The following ERG variants were observed in gnomAD, a reference collection of about 807,000 sequenced individuals.
ERG encodes ETS transcription factor ERG.
In ERG, 9 loss-of-function variants were observed where a neutral mutation model predicts 55.3. That is an observed-to-expected ratio of 0.16 (90% CI 0.10 to 0.28). The LOEUF (loss-of-function observed/expected upper bound fraction) is 0.28, where lower values mean the gene tolerates loss of function less well. Among genes scored for constraint, ERG ranks in the 10% least tolerant of loss-of-function variants. The probability of loss-of-function intolerance (pLI) is 1.00; values close to 1 mark genes in which losing one functional copy is unlikely to be tolerated. For synonymous variants in ERG, 223 were observed against 237.3 expected (o/e 0.94, Z 0.55); for missense variants, 434 against 631.6 (o/e 0.69, Z 3.35).
intron 1 of ERG, among the ~76,000 whole-genome samples, chr21:38,592,098 G>A (rs952235888): frequency 5.9e-5 from 9 of 152,204 alleles, no homozygotes; most frequent in Non-Finnish European, 5.9e-5. Context: ...GTCTCAGAAG[G>A]GGTGTGCTGC....
chr21:38,427,064 A>G (rs566298695), intron 2 of ERG, among the ~76,000 whole-genome samples: 7 of 152,164 alleles, frequency 4.6e-5, no homozygotes, highest in Non-Finnish European at 8.8e-5. Context: ...GGCATAGATC[A>G]CAAGAGTTTC....
intron 1 of ERG, among the ~76,000 whole-genome samples, chr21:38,625,496 T>C (rs575740618): frequency 7.9e-5 from 12 of 152,332 alleles, no homozygotes; most frequent in Admixed American, 2.6e-4. Flanking sequence ...ATTCATGGCC[T>C]TGTTCTCCAG....
intron 2 of ERG, among the ~76,000 whole-genome samples, chr21:38,504,275 G>T (rs2059443868): frequency 6.6e-6 from 1 of 152,202 alleles, no homozygotes; most frequent in Non-Finnish European, 1.5e-5. Context: ...AGTTCTATAA[G>T]CTCCCATGGA....
intron 2 of ERG, among the ~76,000 whole-genome samples, chr21:38,519,578 G>C (rs113965513): frequency 6.6e-5 from 10 of 152,146 alleles, no homozygotes; most frequent in Non-Finnish European, 5.9e-5. Context: ...AGAAGATAGA[G>C]GACAAAGGAG....
chr21:38,563,900 T>C (rs540877357), intron 2 of ERG, among the ~76,000 whole-genome samples: 1 of 152,296 alleles, frequency 6.6e-6, no homozygotes, highest in South Asian at 2.1e-4. Context: ...CAGAAAGGCA[T>C]GGAGCCAGAA....
rs2146503528 is a variant in ERG at position 38,423,517 on chromosome 21, A to C, written c.281T>G (p.Val94Gly). The change falls in exon 3 of 10, where the codon GTG (valine) becomes GGG (glycine). Residue 94 changes from valine (V) to glycine (G), a missense_variant. Physicochemically the swap from Val to Gly is moderately radical, Grantham distance 109. Around this residue, in one of 5 missense-constraint regions of ERG, gnomAD observed 212 missense variants for 262.9 expected, o/e 0.81. Transcript: ENST00000288319. ...ECSVAKGGKM[V>G]GSPDTVGMNY... ...CATCCCAACGGTGTCTGGGCTGCCC[A>C]CCATCTTCCCGCCTTTGGCCACACT... 3.1e-6 allele frequency: 5 copies of C among 1,614,046 alleles called. No individual in the cohort carries two copies. The highest frequency in any genetic ancestry group is 4.2e-6 in the Non-Finnish European group (5 of 1,179,968).
chr21:38,418,270 A>AGTGTGTGTGT (rs71184622), intron 3 of ERG, among the ~76,000 whole-genome samples: 13,196 of 130,222 alleles, frequency 0.1, 768 homozygotes, highest in South Asian at 0.16. Context: ...AACATTTGGA[A>AGTGTGTGTGT]GTGTGTGTGT....
At chr21:38,407,679 T>C in intron 3 of ERG, among the ~76,000 whole-genome samples, 1 of 142,756 alleles carries the variant, frequency 7.0e-6, no homozygotes. Context: ...ATATATCACC[T>C]ATATATAATA....
intron 2 of ERG, among the ~76,000 whole-genome samples, chr21:38,571,389 T>C (rs1429125548): frequency 6.6e-6 from 1 of 152,024 alleles, no homozygotes; most frequent in Non-Finnish European, 1.5e-5. Flanking sequence ...TGCACACCTG[T>C]AGTCCCAGCT....
intron 2 of ERG, among the ~76,000 whole-genome samples, chr21:38,533,101 T>C (rs918945234): frequency 6.6e-6 from 1 of 152,218 alleles, no homozygotes; most frequent in Non-Finnish European, 1.5e-5. Flanking sequence ...TACGGTACTT[T>C]ATTTGCACAA....
upstream of ERG, chr21:38,498,490 A>G: frequency 6.7e-7 from 1 of 1,488,900 alleles, no homozygotes; most frequent in South Asian, 1.4e-5. The surrounding 1 kb of genome is among the most constrained non-coding windows in gnomAD (Gnocchi z 4.6). Context: ...GATTGTGCTA[A>G]GTCTGGGAAA....
chr21:38,597,472 TACACAC>T (rs3065420), intron 1 of ERG, among the ~76,000 whole-genome samples: 1 of 148,150 alleles, frequency 6.7e-6, no homozygotes, highest in Non-Finnish European at 1.5e-5. Context: ...TATATATATC[TACACAC>T]ACACACACAC....
intron 1 of ERG, among the ~76,000 whole-genome samples, chr21:38,619,511 G>C (rs2060277713): frequency 6.6e-6 from 1 of 152,058 alleles, no homozygotes; most frequent in South Asian, 2.1e-4. Flanking sequence ...TTTATTTAAA[G>C]ACCCCAAAAA....
intron 1 of ERG, among the ~76,000 whole-genome samples, chr21:38,576,495 G>A (rs926349405): frequency 2.6e-5 from 4 of 152,122 alleles, no homozygotes; most frequent in Non-Finnish European, 5.9e-5. Flanking sequence ...TTAAAACACC[G>A]CTTAAATAAA....
intron 2 of ERG, among the ~76,000 whole-genome samples, chr21:38,430,863 C>T (rs531500678): frequency 2.0e-5 from 3 of 152,290 alleles, no homozygotes; most frequent in South Asian, 4.1e-4. Context: ...GTAACCTCTG[C>T]AGCAATCTCA....
chr21:38,476,461 C>T (rs1291577663), intron 1 of ERG, among the ~76,000 whole-genome samples: 2 of 152,210 alleles, frequency 1.3e-5, no homozygotes, highest in African/African-American at 2.4e-5. Context: ...TGTTTCACCA[C>T]ATACCAGCAT....
chr21:38,536,079 C>G, intron 2 of ERG, among the ~76,000 whole-genome samples: 1 of 151,934 alleles, frequency 6.6e-6, no homozygotes, highest in East Asian at 1.9e-4. Context: ...AGCAATTAGC[C>G]CCCTCTCTAC....
chr21:38,611,527 T>C (rs934450007), intron 1 of ERG, among the ~76,000 whole-genome samples: 7 of 152,138 alleles, frequency 4.6e-5, no homozygotes, highest in Admixed American at 3.9e-4. Context: ...GGCTGTTCCA[T>C]GTGTCTGGAA....
intron 1 of ERG, among the ~76,000 whole-genome samples, chr21:38,618,395 C>A (rs2146938758): frequency 6.6e-6 from 1 of 152,302 alleles, no homozygotes; most frequent in East Asian, 1.9e-4. Context: ...TAAAGTGGCA[C>A]AGAGTGAGAA....
Sources: allele counts gnomAD v4.1 joint callset (sites outside exome capture counted in the v4.1 genomes callset), GRCh38; gene constraint gnomAD v4.1.1; regional missense constraint gnomAD v4.1.1; non-coding constraint Gnocchi (gnomAD v3.1); transcripts MANE v1.5; gene names NCBI Gene and HGNC (gene_info 2026-07-23, HGNC 2026-07-21).